NRXN3: variants seen among roughly 807,000 people sequenced by gnomAD.
The protein encoded by NRXN3 is neurexin III.
Under a neutral mutation model 137.6 loss-of-function variants are expected in NRXN3, and 32 were observed. The ratio of observed to expected loss-of-function variants is 0.23; its 90% CI spans 0.18 to 0.31. NRXN3 has a LOEUF of 0.31. NRXN3 is among the 10% of genes least tolerant of loss of function. The probability of loss-of-function intolerance (pLI) is 1.00; values close to 1 mark genes in which losing one functional copy is unlikely to be tolerated. For synonymous variants in NRXN3, 798 were observed against 784.5 expected, an observed-to-expected ratio of 1.02 and a Z score of -0.29; for missense variants, 1,574 against 2,062.5, an observed-to-expected ratio of 0.76 and a Z score of 4.59.
intron 10 of NRXN3, among the ~76,000 whole-genome samples, chr14:78,897,390 A>G (rs1463657601): frequency 6.6e-6 from 1 of 151,844 alleles, no homozygotes; most frequent in Non-Finnish European, 1.5e-5. Flanking sequence ...CAATGTGAAA[A>G]TAATCAGAGA....
chr14:79,607,658 A>C (rs1413182338), intron 16 of NRXN3, among the ~76,000 whole-genome samples: 1 of 150,168 alleles, frequency 6.7e-6, no homozygotes, highest in East Asian at 1.9e-4. Flanking sequence ...CCACATATTT[A>C]AATGTTAATC....
rs762817948 is a variant in NRXN3 at position 78,243,671 on chromosome 14, G to A, written c.578G>A (p.Gly193Asp). Residue 193 changes from glycine (G) to aspartate (D), a missense_variant, in exon 2 of 21, where the codon GGT becomes GAT. Gly to Asp is a moderately conservative substitution (Grantham distance 94, BLOSUM62 -1). Around this residue, in one of 5 missense-constraint regions of NRXN3, gnomAD observed 400 missense variants for 527.3 expected, o/e 0.76. Coordinates refer to ENST00000335750, the MANE Select transcript of NRXN3 (RefSeq NM_001330195.2). The surrounding 1 kb of genome is among the most constrained non-coding windows in gnomAD (Gnocchi z 4.2). ...GAGCCTCGGCTTCTGGGGAGCCGGG[G>A]TGTCCAGATGGATGCCGAGGGACCC... ...NSEPRLLGSRGVQMDAEGPCG... is the reference protein window; with the variant it reads ...NSEPRLLGSRDVQMDAEGPCG... 5.0e-6 allele frequency: 8 copies of A among 1,598,306 alleles called. No homozygotes were observed. In the Admixed American group the frequency reaches 1.3e-4, roughly 27 times the overall value.
intron 16 of NRXN3, among the ~76,000 whole-genome samples, chr14:79,582,271 T>G (rs1281953190): frequency 6.6e-6 from 1 of 151,602 alleles, no homozygotes; most frequent in Admixed American, 6.6e-5. Flanking sequence ...ATCCATAGTT[T>G]CACATGTAAG....
At chr14:78,366,012 A>G (rs375138673) in intron 4 of NRXN3, among the ~76,000 whole-genome samples, 1 of 152,202 alleles carries the variant, frequency 6.6e-6, no homozygotes, top group African/African-American at 2.4e-5. Context: ...ACTGGTTTTG[A>G]TAGTCACCTA....
At chr14:79,010,766 C>T (rs1594880022) in intron 15 of NRXN3, among the ~76,000 whole-genome samples, 1 of 152,088 alleles carries the variant, frequency 6.6e-6, no homozygotes, top group East Asian at 1.9e-4. Flanking sequence ...TATTATTGCC[C>T]CTTTAATAAC....
chr14:79,042,925 C>G (rs2099627334), intron 15 of NRXN3, among the ~76,000 whole-genome samples: 1 of 151,340 alleles, frequency 6.6e-6, no homozygotes, highest in Non-Finnish European at 1.5e-5. Context: ...GCTTAATTAT[C>G]ACTGCAGTAG....
intron 15 of NRXN3, among the ~76,000 whole-genome samples, chr14:79,341,008 G>A (rs1475092280): frequency 6.6e-6 from 1 of 152,088 alleles, no homozygotes; most frequent in African/African-American, 2.4e-5. Flanking sequence ...TGAGAATTGC[G>A]CTAATGCAAA....
At chr14:79,644,933 G>T (rs137954687) in intron 16 of NRXN3, among the ~76,000 whole-genome samples, 2 of 135,432 alleles carry the variant, frequency 1.5e-5, no homozygotes, top group African/African-American at 4.9e-5. Context: ...ACTGCTGCTC[G>T]ACTCATGTGA....
intron 10 of NRXN3, among the ~76,000 whole-genome samples, chr14:78,866,794 C>CTT (rs1208179961): frequency 7.8e-4 from 93 of 119,036 alleles, no homozygotes; most frequent in African/African-American, 1.2e-3. Flanking sequence ...TTACCTTCAT[C>CTT]TTTTTTTTTT....
chr14:78,184,639 G>T (rs562677529), intron 1 of NRXN3, among the ~76,000 whole-genome samples: 2 of 152,204 alleles, frequency 1.3e-5, no homozygotes, highest in African/African-American at 2.4e-5. Flanking sequence ...GAGAGGGAAG[G>T]TTCCATTTTC....
At chr14:78,634,089 C>T (rs2097546514) in intron 4 of NRXN3, among the ~76,000 whole-genome samples, 1 of 152,190 alleles carries the variant, frequency 6.6e-6, no homozygotes, top group Admixed American at 6.5e-5. Context: ...GCAGATGTAC[C>T]TGTCACTTAC....
At chr14:78,977,730 T>C (rs1422563643) in intron 14 of NRXN3, among the ~76,000 whole-genome samples, 1 of 152,154 alleles carries the variant, frequency 6.6e-6, no homozygotes, top group East Asian at 1.9e-4. Flanking sequence ...GCTGTAATTA[T>C]TCTTTTTAGA....
chr14:78,349,473 A>G (rs2083188985), intron 4 of NRXN3, among the ~76,000 whole-genome samples: 2 of 152,168 alleles, frequency 1.3e-5, no homozygotes, highest in Non-Finnish European at 2.9e-5. Context: ...TTCCTTTCCG[A>G]GTCCCCATTT....
intron 14 of NRXN3, among the ~76,000 whole-genome samples, chr14:78,969,676 T>A (rs915507495): frequency 6.6e-6 from 1 of 152,184 alleles, no homozygotes; most frequent in Non-Finnish European, 1.5e-5. Context: ...TTATGGAAAT[T>A]GTTTCCCTTT....
intron 10 of NRXN3, among the ~76,000 whole-genome samples, chr14:78,930,869 T>C (rs1381190372): frequency 6.6e-6 from 1 of 152,166 alleles, no homozygotes; most frequent in Non-Finnish European, 1.5e-5. Flanking sequence ...TCTCTGTATA[T>C]AGTCACAGAG....
intron 15 of NRXN3, among the ~76,000 whole-genome samples, chr14:79,240,923 C>G (rs188901272): frequency 6.6e-6 from 1 of 152,182 alleles, no homozygotes; most frequent in Non-Finnish European, 1.5e-5. Flanking sequence ...TCTTGTTTTC[C>G]CCAATAGGGT....
chr14:78,923,746 G>A (rs570597809), intron 10 of NRXN3, among the ~76,000 whole-genome samples: 2 of 152,282 alleles, frequency 1.3e-5, no homozygotes, highest in Admixed American at 1.3e-4. Context: ...CTGTGCTAAG[G>A]CTTTTATAAG....
intron 1 of NRXN3, among the ~76,000 whole-genome samples, chr14:78,191,521 C>T (rs1189365514): frequency 1.3e-5 from 2 of 152,144 alleles, no homozygotes; most frequent in African/African-American, 4.8e-5. Flanking sequence ...AGGGAGGACC[C>T]CTGCAGGCAT....
chr14:78,874,461 C>T (rs1006393432), intron 10 of NRXN3, among the ~76,000 whole-genome samples: 8 of 152,118 alleles, frequency 5.3e-5, no homozygotes, highest in Non-Finnish European at 1.0e-4. Context: ...AATTTTCAAC[C>T]CTTTTCATCA....
Sources: allele counts gnomAD v4.1 joint callset (sites outside exome capture counted in the v4.1 genomes callset), GRCh38; gene constraint gnomAD v4.1.1; regional missense constraint gnomAD v4.1.1; non-coding constraint Gnocchi (gnomAD v3.1); transcripts MANE v1.5; gene names NCBI Gene and HGNC (gene_info 2026-07-23, HGNC 2026-07-21).